The following ATG13 variants were observed in gnomAD, a reference collection of about 807,000 sequenced individuals.
ATG13 encodes the protein autophagy-related protein 13.
A neutral mutation model predicts 65.5 loss-of-function variants in ATG13; 23 were observed. The ratio of observed to expected loss-of-function variants is 0.35; its 90% CI spans 0.25 to 0.50. The LOEUF (loss-of-function observed/expected upper bound fraction) is 0.50. Ranked by LOEUF, ATG13 falls within the 20% of genes least tolerant of loss-of-function variation. The pLI is 0.98. For missense variants in ATG13, 566 were observed against 677.0 expected, an observed-to-expected ratio of 0.84 and a Z score of 1.82; for synonymous variants, 252 against 245.2, an observed-to-expected ratio of 1.03 and a Z score of -0.26.
chr11:46,669,792 TC>T (rs1480708179), intron 18 of ATG13, among the ~76,000 whole-genome samples: 1 of 152,126 alleles, frequency 6.6e-6, no homozygotes, highest in East Asian at 1.9e-4. Flanking sequence ...TGACGTCTTC[TC>T]CTTGCAGATG....
intron 5 of ATG13, among the ~76,000 whole-genome samples, chr11:46,646,914 C>T (rs1223758795): frequency 1.3e-5 from 2 of 152,130 alleles, no homozygotes; most frequent in African/African-American, 4.8e-5. Context: ...CATGCACCAC[C>T]ATGCCCAGCT....
intron 1 of ATG13, among the ~76,000 whole-genome samples, chr11:46,627,231 T>G (rs2135794801): frequency 6.6e-6 from 1 of 152,106 alleles, no homozygotes; most frequent in Admixed American, 6.6e-5. Flanking sequence ...ATATGAAAAT[T>G]AGCTGGGCAT....
intron 1 of ATG13, among the ~76,000 whole-genome samples, chr11:46,629,192 C>A (rs1591526914): frequency 6.6e-6 from 1 of 151,664 alleles, no homozygotes; most frequent in East Asian, 1.9e-4. Context: ...CCCCACCCAC[C>A]TCAGCCTCCC....
rs1220649186 is a variant in ATG13 at position 46,672,356 on chromosome 11, A to C, written c.*24A>C. 1 of 1,613,902 alleles carries C rather than the reference A, an allele frequency of 6.2e-7. No individual in the cohort carries two copies. The highest frequency in any genetic ancestry group is 8.5e-7 in the Non-Finnish European group (1 of 1,179,948). On this transcript the variant is annotated 3_prime_UTR_variant, in exon 19 of 19. Transcript: ENST00000683050. ...AAAAGTATCCTTGAGTCCCAGCAGC[A>C]CCCCCTTTTTGTGGCCCCAGGGCAT...
intron 1 of ATG13, chr11:46,621,136 T>G (rs1403764567): frequency 6.6e-6 from 1 of 152,282 alleles, no homozygotes; most frequent in Non-Finnish European, 1.5e-5. Flanking sequence ...TGCCTCAGCC[T>G]CCTGAGTAAC....
chr11:46,667,689 C>A, intron 14 of ATG13, 84 bp from the exon 15 acceptor site: 2 of 1,066,396 alleles, frequency 1.9e-6, no homozygotes, highest in Non-Finnish European at 2.8e-6. Context: ...TAGGCCACAG[C>A]CCCACCAGAT....
intron 2 of ATG13, among the ~76,000 whole-genome samples, chr11:46,639,423 C>T (rs1202846350): frequency 6.6e-6 from 1 of 152,074 alleles, no homozygotes. Flanking sequence ...TTCATTGACT[C>T]ATTAGTGTAG....
chr11:46,648,899 T>G, intron 5 of ATG13: 1 of 350,464 alleles, frequency 2.9e-6, no homozygotes, highest in Non-Finnish European at 5.1e-6. Flanking sequence ...TTAAATGATT[T>G]AGAATTTTTA....
chr11:46,665,305 A>C, intron 13 of ATG13, 78 bp from the exon 14 acceptor site: 1 of 1,521,682 alleles, frequency 6.6e-7, no homozygotes, highest in Non-Finnish European at 9.0e-7. Flanking sequence ...AAAAGCAGAT[A>C]CCATCATGCT....
At chr11:46,645,070 A>T (rs1487458430) in intron 3 of ATG13, among the ~76,000 whole-genome samples, 3 of 152,206 alleles carry the variant, frequency 2.0e-5, no homozygotes, top group African/African-American at 7.2e-5. Flanking sequence ...CTTCTGCCAT[A>T]TGAGAATATT....
intron 10 of ATG13, among the ~76,000 whole-genome samples, chr11:46,658,357 C>G (rs1246563051): frequency 1.3e-5 from 2 of 152,090 alleles, no homozygotes; most frequent in Non-Finnish European, 2.9e-5. Flanking sequence ...ACTGATAATT[C>G]TTTGAAAACC....
chr11:46,642,494 C>T (rs1327307231), intron 2 of ATG13, among the ~76,000 whole-genome samples: 4 of 151,562 alleles, frequency 2.6e-5, no homozygotes, highest in South Asian at 2.1e-4. Context: ...TTAGTAGAGA[C>T]GGGTTTCACC....
At chr11:46,670,223 CTG>C (rs1224551927) in intron 18 of ATG13, among the ~76,000 whole-genome samples, 2 of 152,304 alleles carry the variant, frequency 1.3e-5, no homozygotes, top group East Asian at 1.9e-4. Flanking sequence ...TGGCTCACGC[CTG>C]TAATCCCAGC....
At chr11:46,647,675 G>T (rs1445185002) in intron 5 of ATG13, among the ~76,000 whole-genome samples, 1 of 151,400 alleles carries the variant, frequency 6.6e-6, no homozygotes, top group South Asian at 2.1e-4. Flanking sequence ...AGGTTCAGGG[G>T]ATCCTCCCAC....
chr11:46,671,093 C>A (rs1469152918), intron 18 of ATG13, among the ~76,000 whole-genome samples: 1 of 152,204 alleles, frequency 6.6e-6, no homozygotes, highest in Non-Finnish European at 1.5e-5. Context: ...GGCTCCAATT[C>A]TCTCAACTGA....
chr11:46,669,676 G>T (rs1247597744), intron 18 of ATG13, 144 bp downstream of exon 18: 3 of 1,077,014 alleles, frequency 2.8e-6, no homozygotes, highest in Non-Finnish European at 3.9e-6. Context: ...TCACTCTTGA[G>T]ATTGGCATTG....
rs1179069018 is a variant in ATG13, at chr11:46,672,579, G to A, written c.*247G>A. 2.7e-5 allele frequency: 38 copies of A among 1,423,504 alleles called. No individual in the cohort carries two copies. The East Asian group carries it at 4.1e-4, about 15-fold the overall frequency. The allele number at this position is 1,423,504 out of a possible 1,614,324, so 88.2% of individuals were successfully genotyped here. On this transcript the variant is annotated 3_prime_UTR_variant, in exon 19 of 19. Coordinates refer to ENST00000683050, the MANE Select transcript of ATG13 (RefSeq NM_001346311.2). The stretch of plus-strand genomic sequence containing the variant: ...TTGGAGATGGGAAGAACCTTCGTAC[G>A]AAAAAGCCCTCAGCAGGGCCATCTG...
intron 7 of ATG13, among the ~76,000 whole-genome samples, chr11:46,655,107 C>A (rs929956657): frequency 5.3e-5 from 8 of 149,732 alleles, no homozygotes; most frequent in South Asian, 2.1e-4. Context: ...TCAAAAAAAA[C>A]CAAAAAACAG....
chr11:46,662,079 C>T (rs1592150800), intron 11 of ATG13, among the ~76,000 whole-genome samples: 1 of 152,236 alleles, frequency 6.6e-6, no homozygotes, highest in South Asian at 2.1e-4. Flanking sequence ...AGGGGAGCTT[C>T]TTGTATGCTT....
Sources: gnomAD v4.1 joint callset for allele counts (sites outside exome capture counted in the v4.1 genomes callset) on GRCh38, gnomAD v4.1.1 for gene constraint, MANE v1.5 for transcripts, NCBI Gene and HGNC (gene_info 2026-07-23, HGNC 2026-07-21) for gene names.